Variants in ATRX observed in about 807,000 individuals in gnomAD.
ATRX encodes the protein ATRX chromatin remodeler, also known as chromatin remodeler ATRX.
Under a neutral mutation model 172.6 loss-of-function variants are expected in ATRX, and 12 were observed. That is an observed-to-expected ratio of 0.07 (90% CI 0.04 to 0.11). The LOEUF is 0.11. Ranked by LOEUF, ATRX falls within the 10% of genes least tolerant of loss-of-function variation. The pLI is 1.00. For synonymous variants in ATRX, 674 were observed against 594.7 expected (o/e 1.13, Z -1.94); for missense variants, 1,368 against 1,767.4 (o/e 0.77, Z 4.05).
chrX:77,512,971 A>C (rs782554708), intron 34 of ATRX, among the ~76,000 whole-genome samples: 1 of 111,724 alleles, frequency 9.0e-6, no homozygotes, highest in African/African-American at 3.3e-5. Context: ...ATCACAAAAC[A>C]ACCAGAAAAC....
chrX:77,559,373 G>GA (rs45489892), intron 28 of ATRX, among the ~76,000 whole-genome samples: 5,941 of 56,687 alleles, frequency 0.1, 556 homozygotes, highest in African/African-American at 0.32. Context: ...GGTGTCTAAA[G>GA]AAAAAAAAAA....
At chrX:77,674,265 T>C in intron 10 of ATRX, 1 of 111,665 alleles carries the variant, frequency 9.0e-6, no homozygotes. Context: ...TAATCTATAC[T>C]AAAATAGTGC....
intron 1 of ATRX, among the ~76,000 whole-genome samples, chrX:77,735,962 C>T (rs1263218787): frequency 2.8e-5 from 3 of 108,852 alleles, no homozygotes; most frequent in African/African-American, 6.6e-5. Flanking sequence ...TGAGACCGTG[C>T]CATTGCACTC....
intron 28 of ATRX, among the ~76,000 whole-genome samples, chrX:77,559,695 A>C (rs781907255): frequency 9.2e-5 from 10 of 109,079 alleles, no homozygotes; most frequent in Non-Finnish European, 1.5e-4. Context: ...GACCTAAGGT[A>C]ATCTGCCCAC....
At chrX:77,648,659 C>G (rs1222616748) in intron 15 of ATRX, among the ~76,000 whole-genome samples, 1 of 97,099 alleles carries the variant, frequency 1.0e-5, no homozygotes, top group Non-Finnish European at 2.0e-5. Flanking sequence ...AAATTGTGAA[C>G]TTTTTGCACA....
intron 30 of ATRX, among the ~76,000 whole-genome samples, chrX:77,537,539 AAAAG>A (rs1486807450): frequency 1.2e-4 from 13 of 111,221 alleles, no homozygotes; most frequent in African/African-American, 4.3e-4. Context: ...AAAAGAAAAA[AAAAG>A]AAAGAAAAGA....
At chrX:77,517,275 A>C (rs1239574037) in intron 34 of ATRX, among the ~76,000 whole-genome samples, 1 of 111,909 alleles carries the variant, frequency 8.9e-6, no homozygotes, top group Non-Finnish European at 1.9e-5. Context: ...AAACTGACAA[A>C]CCATTAGCCA....
rs3830891 is a variant in ATRX at position 77,504,928 on chromosome X, ATGT to A, written c.*3420_*3422del. 4,822 of 154,832 alleles carry A rather than the reference ATGT, an allele frequency of 0.031. 103 individuals carry two copies. The highest frequency in any genetic ancestry group is 0.092 in the East Asian group (932 of 10,175). The allele number at this position is 154,832 out of a possible 1,213,427, so 12.8% of individuals were successfully genotyped here. On this transcript the variant is annotated 3_prime_UTR_variant, in exon 35 of 35. Transcript: ENST00000373344. ...CACCCCATATAATAGTATATATAAA[ATGT>A]TGTGAAGATGAAAGCATTTCTGAAA...
intron 27 of ATRX, among the ~76,000 whole-genome samples, chrX:77,589,037 C>A (rs1309746742): frequency 8.9e-6 from 1 of 112,284 alleles, no homozygotes; most frequent in Non-Finnish European, 1.9e-5. Context: ...TGAAATAGTA[C>A]AGGCAGTGTA....
chrX:77,644,211 G>C (rs1395785540), intron 15 of ATRX, among the ~76,000 whole-genome samples: 1 of 112,655 alleles, frequency 8.9e-6, no homozygotes, highest in East Asian at 2.8e-4. Context: ...CAAAGTGCTG[G>C]GATTATGGGC....
Position 77,683,625 on chromosome X carries a change from T to C in ATRX, c.1631A>G (p.His544Arg), listed in dbSNP as rs1464531189. 2.5e-6 allele frequency: 3 copies of C among 1,210,183 alleles called. No individual in the cohort carries two copies. The highest frequency in any genetic ancestry group is 3.4e-6 in the Non-Finnish European group (3 of 895,156). Reference sequence around the variant, plus strand: ...AGTTCCACTGCTGCCATCCCCTTGATGATCAACTGAACTCTGAACTTCCAT... The same window carrying C: ...AGTTCCACTGCTGCCATCCCCTTGACGATCAACTGAACTCTGAACTTCCAT... The part of the protein sequence containing the change: ...TAMEVQSSVD[H>R]QGDGSSGTEQ... The change falls in exon 9 of 35, where the codon CAT (histidine) becomes CGT (arginine). Residue 544 changes from histidine (H) to arginine (R), a missense_variant. Coordinates refer to ENST00000373344, the MANE Select transcript of ATRX (RefSeq NM_000489.6).
chrX:77,735,241 C>T (rs1278104973), intron 1 of ATRX, among the ~76,000 whole-genome samples: 5 of 112,141 alleles, frequency 4.5e-5, no homozygotes, highest in Non-Finnish European at 3.8e-5. Context: ...ACGGCCAGAC[C>T]ACCTGAGGTC....
chrX:77,646,104 C>T (rs966686265), intron 15 of ATRX, among the ~76,000 whole-genome samples: 2 of 111,597 alleles, frequency 1.8e-5, no homozygotes, highest in Non-Finnish European at 3.8e-5. Flanking sequence ...AGAAGTAAAT[C>T]CTTATTTATC....
chrX:77,646,633 C>G (rs186222979), intron 15 of ATRX, among the ~76,000 whole-genome samples: 1 of 111,155 alleles, frequency 9.0e-6, no homozygotes, highest in African/African-American at 3.3e-5. Context: ...CACTATAAAC[C>G]AATTGGAGCT....
chrX:77,738,175 A>T (rs1432556798), intron 1 of ATRX, among the ~76,000 whole-genome samples: 1 of 108,485 alleles, frequency 9.2e-6, no homozygotes, highest in Admixed American at 1.0e-4. Flanking sequence ...TCTCTACAGA[A>T]TTTTTTTAAA....
intron 1 of ATRX, among the ~76,000 whole-genome samples, chrX:77,762,393 C>T (rs1247618294): frequency 9.2e-6 from 1 of 109,111 alleles, no homozygotes; most frequent in Non-Finnish European, 1.9e-5. Context: ...AAGCAAAACC[C>T]TCATTCATTC....
intron 15 of ATRX, among the ~76,000 whole-genome samples, chrX:77,638,432 C>T (rs999531347): frequency 8.9e-6 from 1 of 112,800 alleles, no homozygotes. Flanking sequence ...GTGATTGCGC[C>T]ACTGCACTCT....
chrX:77,661,704 C>G (rs1321529804), intron 12 of ATRX, among the ~76,000 whole-genome samples: 1 of 110,627 alleles, frequency 9.0e-6, no homozygotes, highest in African/African-American at 3.3e-5. Flanking sequence ...AGGCAAATAT[C>G]ACATTTAATT....
chrX:77,529,784 T>C (rs1393883186), intron 30 of ATRX, among the ~76,000 whole-genome samples: 1 of 111,936 alleles, frequency 8.9e-6, no homozygotes, highest in African/African-American at 3.2e-5. Context: ...ATCACGATGA[T>C]GCTAAAGCAG....
Sources: allele counts gnomAD v4.1 joint callset (sites outside exome capture counted in the v4.1 genomes callset), GRCh38; gene constraint gnomAD v4.1.1; transcripts MANE v1.5; gene names NCBI Gene and HGNC (gene_info 2026-07-23, HGNC 2026-07-21).